Variants in POU6F2 observed in about 807,000 individuals in gnomAD.
POU6F2 encodes the protein POU class 6 homeobox 2.
A neutral mutation model predicts 71.3 loss-of-function variants in POU6F2; 31 were observed. The observed-to-expected ratio is 0.43, with a 90% CI of 0.33 to 0.59. The LOEUF is 0.59. Ranked by LOEUF, POU6F2 falls within the 20% of genes least tolerant of loss-of-function variation. POU6F2 has a pLI of 0.04. For missense variants in POU6F2, 783 were observed against 856.8 expected, an observed-to-expected ratio of 0.91 and a Z score of 1.07; for synonymous variants, 347 against 355.7, an observed-to-expected ratio of 0.98 and a Z score of 0.27.
intron 4 of POU6F2, among the ~76,000 whole-genome samples, chr7:39,283,699 G>T (rs1784604398): frequency 6.6e-6 from 1 of 152,044 alleles, no homozygotes; most frequent in Non-Finnish European, 1.5e-5. Context: ...TCCACTTTTT[G>T]GCTATTGAGC....
intron 2 of POU6F2, among the ~76,000 whole-genome samples, chr7:39,105,159 C>T (rs2128724423): frequency 6.6e-6 from 1 of 152,250 alleles, no homozygotes; most frequent in East Asian, 1.9e-4. Flanking sequence ...TTGGTTATAG[C>T]AGATGAAAAT....
At chr7:39,195,516 C>T (rs1793769461) in intron 2 of POU6F2, among the ~76,000 whole-genome samples, 1 of 152,196 alleles carries the variant, frequency 6.6e-6, no homozygotes, top group African/African-American at 2.4e-5. Context: ...ATATCACTGT[C>T]ATTCTCACGA....
intron 1 of POU6F2, among the ~76,000 whole-genome samples, chr7:39,048,088 A>C (rs1431037285): frequency 6.6e-6 from 1 of 151,996 alleles, no homozygotes; most frequent in African/African-American, 2.4e-5. Flanking sequence ...TGGTATTTAA[A>C]TAGTTGATAG....
At chr7:39,293,273 A>G (rs896362320) in intron 4 of POU6F2, among the ~76,000 whole-genome samples, 4 of 152,052 alleles carry the variant, frequency 2.6e-5, no homozygotes, top group Non-Finnish European at 5.9e-5. Flanking sequence ...CAAGCTGTTT[A>G]TGAGGTGTTT....
intron 6 of POU6F2, among the ~76,000 whole-genome samples, chr7:39,423,320 G>A (rs996720301): frequency 2.6e-5 from 4 of 152,124 alleles, no homozygotes; most frequent in African/African-American, 9.7e-5. Context: ...CCTTAAGAGA[G>A]GATTTACAGA....
At chr7:39,244,574 T>TA (rs1156313782) in intron 4 of POU6F2, among the ~76,000 whole-genome samples, 1 of 152,220 alleles carries the variant, frequency 6.6e-6, no homozygotes. Flanking sequence ...TCCCTAAAAT[T>TA]ACAATATCAT....
chr7:39,367,042 C>T (rs905449574), intron 5 of POU6F2, among the ~76,000 whole-genome samples: 1 of 151,782 alleles, frequency 6.6e-6, no homozygotes, highest in Admixed American at 6.6e-5. Context: ...GAGGGGGAGA[C>T]CTGAAGAGGG....
At chr7:39,035,185 G>T (rs1241049934) in intron 1 of POU6F2, among the ~76,000 whole-genome samples, 1 of 151,964 alleles carries the variant, frequency 6.6e-6, no homozygotes, top group South Asian at 2.1e-4. Flanking sequence ...TATTTGCAAA[G>T]CTAGAAGAGT....
chr7:39,271,961 G>A (rs758234446), intron 4 of POU6F2, among the ~76,000 whole-genome samples: 14 of 151,910 alleles, frequency 9.2e-5, no homozygotes, highest in Non-Finnish European at 1.5e-4. Context: ...ATACGGTTAT[G>A]AAGAGGATGA....
At chr7:39,316,568 C>T (rs1184628764) in intron 4 of POU6F2, among the ~76,000 whole-genome samples, 4 of 152,154 alleles carry the variant, frequency 2.6e-5, no homozygotes, top group African/African-American at 9.7e-5. Context: ...TGGGGATACC[C>T]AGCAGTCCCC....
At chr7:39,308,705 A>G (rs182088564) in intron 4 of POU6F2, among the ~76,000 whole-genome samples, 2 of 152,298 alleles carry the variant, frequency 1.3e-5, no homozygotes, top group Admixed American at 1.3e-4. Context: ...ACTGGAGGCC[A>G]TTGCTCCTGG....
intron 5 of POU6F2, among the ~76,000 whole-genome samples, chr7:39,362,830 G>A (rs1343139588): frequency 2.6e-5 from 4 of 152,094 alleles, no homozygotes; most frequent in African/African-American, 9.7e-5. Flanking sequence ...CCAGCAGAAA[G>A]GGCACACTCC....
At chr7:39,284,296 T>C (rs1784614572) in intron 4 of POU6F2, among the ~76,000 whole-genome samples, 1 of 152,224 alleles carries the variant, frequency 6.6e-6, no homozygotes, top group African/African-American at 2.4e-5. Flanking sequence ...GGGAGCAAAT[T>C]TACAAGGAAG....
At chr7:39,087,159 A>T (rs201098491) in intron 2 of POU6F2, among the ~76,000 whole-genome samples, 43,200 of 125,526 alleles carry the variant, frequency 0.34, 6,701 homozygotes, top group South Asian at 0.47. Context: ...TTAATTAATT[A>T]ATTTATTTAT....
chr7:39,171,016 CT>C (rs760022218), intron 2 of POU6F2, among the ~76,000 whole-genome samples: 2,689 of 94,658 alleles, frequency 0.028, 18 homozygotes, highest in Middle Eastern at 0.046. Context: ...TCACATATAT[CT>C]TTTTTTTTTT....
chr7:39,456,036 C>G (rs1788794450), intron 8 of POU6F2, among the ~76,000 whole-genome samples: 1 of 152,208 alleles, frequency 6.6e-6, no homozygotes, highest in African/African-American at 2.4e-5. Flanking sequence ...CCCTGGCCAT[C>G]ATTGCTATTA....
chr7:39,428,169 T>A (rs563348525), intron 6 of POU6F2, among the ~76,000 whole-genome samples: 2 of 152,374 alleles, frequency 1.3e-5, no homozygotes, highest in African/African-American at 4.8e-5. Context: ...CTCAAGTTCT[T>A]ATGGAAATGG....
intron 5 of POU6F2, among the ~76,000 whole-genome samples, chr7:39,359,270 A>G (rs1456504662): frequency 6.6e-6 from 1 of 152,200 alleles, no homozygotes; most frequent in Non-Finnish European, 1.5e-5. Context: ...TGGTTTTGCA[A>G]AGAGAGGTAC....
At chr7:39,265,979 T>C (rs2128755576) in intron 4 of POU6F2, among the ~76,000 whole-genome samples, 1 of 152,314 alleles carries the variant, frequency 6.6e-6, no homozygotes, top group South Asian at 2.1e-4. Context: ...AGTCCGTACA[T>C]TTTCTAATTG....
Sources: gnomAD v4.1 joint callset for allele counts (sites outside exome capture counted in the v4.1 genomes callset) on GRCh38, gnomAD v4.1.1 for gene constraint, MANE v1.5 for transcripts, NCBI Gene and HGNC (gene_info 2026-07-23, HGNC 2026-07-21) for gene names.